MEMO1: variants seen among roughly 807,000 people sequenced by gnomAD.
MEMO1 encodes the protein protein MEMO1.
A neutral mutation model predicts 45.2 loss-of-function variants in MEMO1; 6 were observed. That is an observed-to-expected ratio of 0.13 (90% CI 0.07 to 0.26). The LOEUF (loss-of-function observed/expected upper bound fraction) is 0.26, where lower values mean the gene tolerates loss of function less well. Ranked by LOEUF, MEMO1 falls within the 10% of genes least tolerant of loss-of-function variation. MEMO1 has a pLI of 1.00. For synonymous variants in MEMO1, 78 were observed against 124.3 expected (o/e 0.63, Z 2.48); for missense variants, 184 against 370.5 (o/e 0.50, Z 4.13).
At chr2:31,963,213 T>C (rs1668230000) in intron 2 of MEMO1, 23 of 1,548,248 alleles carry the variant, frequency 1.5e-5, no homozygotes, top group Non-Finnish European at 1.9e-5. Flanking sequence ...CTGCACATCT[T>C]GGCACTTGTC....
At chr2:31,891,381 G>A (rs1005624832) in intron 7 of MEMO1, among the ~76,000 whole-genome samples, 21 of 152,022 alleles carry the variant, frequency 1.4e-4, no homozygotes, top group African/African-American at 4.8e-4. Flanking sequence ...CTCTTACAAC[G>A]TACTCACTGT....
chr2:31,897,721 GC>G (rs927848555), intron 6 of MEMO1, among the ~76,000 whole-genome samples: 7 of 152,160 alleles, frequency 4.6e-5, no homozygotes, highest in African/African-American at 1.4e-4. Flanking sequence ...TCAGGATGAT[GC>G]TGTCCTCATA....
At chr2:31,952,612 G>A (rs1045475942) in intron 2 of MEMO1, among the ~76,000 whole-genome samples, 1 of 152,076 alleles carries the variant, frequency 6.6e-6, no homozygotes, top group Non-Finnish European at 1.5e-5. Flanking sequence ...TTATAAATCA[G>A]TTTCCTAGCT....
intron 5 of MEMO1, among the ~76,000 whole-genome samples, chr2:31,920,249 C>A (rs17011688): frequency 6.6e-6 from 1 of 151,292 alleles, no homozygotes; most frequent in Non-Finnish European, 1.5e-5. Flanking sequence ...TAAATAAAAA[C>A]GTGACTCTGG....
At chr2:31,992,346 T>C (rs1672047284) in intron 2 of MEMO1, among the ~76,000 whole-genome samples, 1 of 152,326 alleles carries the variant, frequency 6.6e-6, no homozygotes, top group East Asian at 1.9e-4. Context: ...AAGGCACAGA[T>C]CATATGGCCC....
intron 2 of MEMO1, among the ~76,000 whole-genome samples, chr2:31,981,406 T>C (rs1180836189): frequency 6.6e-6 from 1 of 152,228 alleles, no homozygotes; most frequent in Non-Finnish European, 1.5e-5. Flanking sequence ...CCTATCTCTC[T>C]GCCTTAAAAC....
At chr2:31,971,935 A>C (rs1364668512) in intron 2 of MEMO1, among the ~76,000 whole-genome samples, 1 of 152,130 alleles carries the variant, frequency 6.6e-6, no homozygotes, top group Non-Finnish European at 1.5e-5. Context: ...GTGCCACTGC[A>C]CTCCATCCTG....
chr2:31,992,823 C>G (rs534300066), intron 2 of MEMO1, among the ~76,000 whole-genome samples: 1 of 151,914 alleles, frequency 6.6e-6, no homozygotes, highest in Non-Finnish European at 1.5e-5. Flanking sequence ...TAATAAGGAG[C>G]ATTTATAGAG....
intron 2 of MEMO1, among the ~76,000 whole-genome samples, chr2:31,980,469 T>C (rs1040944587): frequency 6.6e-6 from 1 of 152,158 alleles, no homozygotes; most frequent in African/African-American, 2.4e-5. Flanking sequence ...ATTTTTTTTA[T>C]TTTTAAGTCA....
chr2:31,943,190 G>C (rs1229709018), intron 3 of MEMO1, 112 bp downstream of exon 3: 6 of 787,096 alleles, frequency 7.6e-6, no homozygotes, highest in Non-Finnish European at 1.3e-5. Context: ...GCTTGAACCT[G>C]GGAGGCGGAG....
intron 6 of MEMO1, among the ~76,000 whole-genome samples, chr2:31,903,870 G>T (rs1679252782): frequency 6.6e-6 from 1 of 152,204 alleles, no homozygotes; most frequent in African/African-American, 2.4e-5. Context: ...ACTGGGCAGA[G>T]GAAGAGAATC....
intron 8 of MEMO1, among the ~76,000 whole-genome samples, chr2:31,873,273 T>G (rs996884917): frequency 1.3e-5 from 2 of 152,106 alleles, no homozygotes; most frequent in Non-Finnish European, 2.9e-5. Context: ...CGCTAAGATA[T>G]AAGGCAGACA....
intron 2 of MEMO1, among the ~76,000 whole-genome samples, chr2:31,950,485 C>T (rs1666717395): frequency 6.6e-6 from 1 of 150,434 alleles, no homozygotes; most frequent in African/African-American, 2.4e-5. Context: ...TTAGGATGCC[C>T]AGGCAAGCAG....
chr2:32,002,274 T>C (rs1365305097), intron 2 of MEMO1, among the ~76,000 whole-genome samples: 1 of 147,110 alleles, frequency 6.8e-6, no homozygotes, highest in Non-Finnish European at 1.5e-5. Flanking sequence ...CATACACATA[T>C]ATACATGTAC....
rs189654854 is a variant in MEMO1, at chr2:31,926,480, C to T, written c.213-5570G>A. 4.8e-3 allele frequency among the ~76,000 whole-genome samples: 734 copies of T among 151,540 alleles called. 5 individuals are homozygous for T. The highest frequency in any genetic ancestry group is 0.034 in the Middle Eastern group (10 of 290). ...AAGTGAAAATTGGACTTTCATAAAA[C>T]TTTTATCACTGTAAGCTTGATAGCC... On this transcript the variant is annotated intron_variant, in intron 4 of 9. Coordinates refer to ENST00000404530, the MANE Select transcript of MEMO1 (RefSeq NM_001301833.4).
intron 6 of MEMO1, among the ~76,000 whole-genome samples, chr2:31,914,936 G>A (rs1044464546): frequency 2.8e-5 from 4 of 143,570 alleles, no homozygotes; most frequent in African/African-American, 1.0e-4. Flanking sequence ...AAGCCTGGGT[G>A]ACAGAATGAG....
intron 8 of MEMO1, among the ~76,000 whole-genome samples, chr2:31,880,135 G>A (rs759910080): frequency 4.6e-5 from 7 of 152,112 alleles, no homozygotes; most frequent in Non-Finnish European, 7.4e-5. Flanking sequence ...CCTCAATACT[G>A]CACAGAGTAC....
rs926849316 is a variant in MEMO1, at chr2:32,003,464, A to T, written c.61+6723T>A. Among the ~76,000 whole-genome samples the T allele has an allele frequency of 3.3e-5, 5 of 152,338 alleles. No individual in the cohort carries two copies. The East Asian group carries it at 9.6e-4, about 29-fold the overall frequency. On this transcript the variant is annotated intron_variant, in intron 2 of 9. Coordinates refer to ENST00000404530, the MANE Select transcript of MEMO1 (RefSeq NM_001301833.4). ...TTCTTAACACAGGGACTTGTTACAT[A>T]GGGTATATGAAATCTGTGCATATCC...
rs777897845 is a variant in MEMO1, at chr2:31,869,965, AAAAAG to A, written c.658-18_658-14del. On this transcript the variant is annotated splice_polypyrimidine_tract_variant and intron_variant, in intron 8 of 9. Transcript: ENST00000404530. ...TAATACTCATACCCTAAAAAAAAAA[AAAAAG>A]AAGAGGAAGAAAAAAATAAAAGAAG... 123 of 1,473,052 alleles carry A rather than the reference AAAAAG, an allele frequency of 8.4e-5. No homozygotes were observed. Among genetic ancestry groups the A allele is most frequent in the South Asian group, 4.7e-4 (32 of 67,888 alleles). The allele number at this position is 1,473,052 out of a possible 1,614,324, so 91.2% of individuals were successfully genotyped here.
Sources: gnomAD v4.1 joint callset for allele counts (sites outside exome capture counted in the v4.1 genomes callset) on GRCh38, gnomAD v4.1.1 for gene constraint, MANE v1.5 for transcripts, NCBI Gene and HGNC (gene_info 2026-07-23, HGNC 2026-07-21) for gene names.